Variants in FAM81A observed in about 807,000 individuals in gnomAD.
FAM81A encodes protein FAM81A.
Under a neutral mutation model 46.7 loss-of-function variants are expected in FAM81A, and 19 were observed. That is an observed-to-expected ratio of 0.41 (90% CI 0.28 to 0.60). FAM81A has a LOEUF of 0.60. FAM81A is among the 20% of genes least tolerant of loss of function. The probability of loss-of-function intolerance (pLI) is 0.34; values close to 1 mark genes in which losing one functional copy is unlikely to be tolerated. For synonymous variants in FAM81A, 183 were observed against 152.9 expected (o/e 1.20, Z -1.45); for missense variants, 377 against 453.5 (o/e 0.83, Z 1.53).
intron 2 of FAM81A, among the ~76,000 whole-genome samples, chr15:59,404,086 T>C (rs2081083953): frequency 6.6e-6 from 1 of 152,070 alleles, no homozygotes; most frequent in Non-Finnish European, 1.5e-5. Context: ...TTTCACCATG[T>C]TGGCCAGGAT....
chr15:59,479,519 G>GAAAAAAAAA (rs57107735), intron 3 of FAM81A, among the ~76,000 whole-genome samples: 39 of 72,654 alleles, frequency 5.4e-4, no homozygotes, highest in Admixed American at 1.2e-3. Context: ...TCAAAAATAA[G>GAAAAAAAAA]AAAAAAAAAA....
chr15:59,508,904 G>A lies in FAM81A; in HGVS notation c.585G>A (p.Glu195=). The A allele has an allele frequency of 6.2e-7, 1 of 1,613,406 alleles. No homozygotes were observed. The highest frequency in any genetic ancestry group is 8.5e-7 in the Non-Finnish European group (1 of 1,179,536). ...LLNRVDLSIS[E]QSTKLKMSHR... ...ACAGAGTGGACTTGTCAATATCAGA[G>A]CAGAGCACCAAACTGAAGATGTCTC... The change falls in exon 6 of 9, where the codon GAG becomes GAA. Residue 195 remains glutamate (E), a synonymous_variant. Transcript: ENST00000288228.
chr15:59,415,345 C>G (rs1465194989), intron 2 of FAM81A, among the ~76,000 whole-genome samples: 1 of 152,054 alleles, frequency 6.6e-6, no homozygotes, highest in Non-Finnish European at 1.5e-5. Flanking sequence ...GTCTTGAACT[C>G]CTGACCTCGT....
rs1293304332 is a variant in FAM81A, at chr15:59,522,329, G to T, written c.*951G>T. 1 of 152,580 alleles carries T rather than the reference G, an allele frequency of 6.6e-6. No individual in the cohort carries two copies. The highest frequency in any genetic ancestry group is 1.5e-5 in the Non-Finnish European group (1 of 68,020). The allele number at this position is 152,580 out of a possible 1,614,324, so 9.5% of individuals were successfully genotyped here. ...ATGCACTGTACTCTGTAAAAGTTTT[G>T]CAGACAAAATAGAAAGTATGATAAT... On this transcript the variant is annotated 3_prime_UTR_variant, in exon 9 of 9. Transcript: ENST00000288228.
chr15:59,499,109 G>A (rs550646172), intron 4 of FAM81A, among the ~76,000 whole-genome samples: 35 of 152,252 alleles, frequency 2.3e-4, no homozygotes, highest in Middle Eastern at 3.4e-3. Context: ...TGAGATGATC[G>A]TGTGGGGTTT....
At position 59,429,931 on chromosome 15, in the gene FAM81A, A is replaced by C. The variant is rs547200788; in HGVS notation, c.-78+27573A>C. Among the ~76,000 whole-genome samples, 3 of 152,344 alleles carry C rather than the reference A, an allele frequency of 2.0e-5. No individual in the cohort carries two copies. The South Asian group carries it at 6.2e-4, about 32-fold the overall frequency. On this transcript the variant is annotated intron_variant, in intron 2 of 4. Transcript: ENST00000558348. ...GGGCAGGCAGGTGGCGAAGAGTCTT[A>C]GAGGGTTGAGTCCAGGCCAGGTAGT...
chr15:59,418,773 T>C (rs1170319126), intron 2 of FAM81A, among the ~76,000 whole-genome samples: 8 of 151,018 alleles, frequency 5.3e-5, no homozygotes, highest in Admixed American at 4.6e-4. Flanking sequence ...TGAAGATGGA[T>C]AGCTTATTTA....
intron 1 of FAM81A, among the ~76,000 whole-genome samples, chr15:59,457,908 T>G (rs1475822742): frequency 6.6e-6 from 1 of 152,206 alleles, no homozygotes; most frequent in African/African-American, 2.4e-5. Context: ...TCTAGTGTTT[T>G]TCACATTTCT....
intron 3 of FAM81A, among the ~76,000 whole-genome samples, chr15:59,478,813 A>T (rs117319323): frequency 1.5e-3 from 224 of 152,350 alleles, no homozygotes; most frequent in Non-Finnish European, 2.6e-3. Context: ...CTCTGTCTCC[A>T]GTACATTTTA....
At chr15:59,468,001 T>C (rs1228506244) in intron 3 of FAM81A, among the ~76,000 whole-genome samples, 1 of 152,210 alleles carries the variant, frequency 6.6e-6, no homozygotes, top group Non-Finnish European at 1.5e-5. Context: ...GTTTGTGTGA[T>C]GGATTATGAT....
chr15:59,521,742 T>A lies in FAM81A; in HGVS notation c.*364T>A, dbSNP rs536293318. ...TTTTGAAAAATGTCATGGGGATTTTTTTTTAATTAAGAAACTAATGAATCA... is the reference window on the plus strand; with the variant it reads ...TTTTGAAAAATGTCATGGGGATTTTATTTTAATTAAGAAACTAATGAATCA... On this transcript the variant is annotated 3_prime_UTR_variant, in exon 9 of 9. Transcript: ENST00000288228. 6.2e-6 allele frequency: 1 copy of A among 160,328 alleles called. No individual in the cohort carries two copies. The highest frequency in any genetic ancestry group is 1.8e-4 in the East Asian group (1 of 5,538). 9.9% of individuals were successfully genotyped at this position (160,328 alleles called of 1,614,324 possible).
At chr15:59,485,977 G>A (rs1044848455) in intron 3 of FAM81A, among the ~76,000 whole-genome samples, 2 of 152,162 alleles carry the variant, frequency 1.3e-5, no homozygotes, top group Non-Finnish European at 2.9e-5. Context: ...TCAGAAGTTC[G>A]AGACCAGCCT....
At chr15:59,494,859 AT>A (rs2082017553) in intron 4 of FAM81A, among the ~76,000 whole-genome samples, 2 of 152,120 alleles carry the variant, frequency 1.3e-5, no homozygotes, top group African/African-American at 4.8e-5. Context: ...TTAGTAGCAA[AT>A]GGGCCTTGAT....
rs72749162 is a variant in FAM81A at position 59,465,144 on chromosome 15, G to A, written c.294+4938G>A. On this transcript the variant is annotated intron_variant, in intron 3 of 8. Coordinates refer to ENST00000288228, the MANE Select transcript of FAM81A (RefSeq NM_152450.3). ...CTGTAGATACGTGGATTAATTTCTA[G>A]GTTCTCTTTTCTGTTCCATTGTTCT... Among the ~76,000 whole-genome samples the A allele has an allele frequency of 7.3e-3, 1,113 of 152,192 alleles. 9 individuals are homozygous for A. Among genetic ancestry groups the A allele is most frequent in the Admixed American group, 9.4e-3 (143 of 15,288 alleles).
At chr15:59,426,289 T>TAA (rs398070677) in intron 2 of FAM81A, among the ~76,000 whole-genome samples, 7 of 149,258 alleles carry the variant, frequency 4.7e-5, no homozygotes, top group Admixed American at 1.3e-4. Flanking sequence ...AACTCTGGAT[T>TAA]AAAAAAAAAA....
At chr15:59,512,812 G>A (rs2082226794) in intron 6 of FAM81A, among the ~76,000 whole-genome samples, 1 of 152,190 alleles carries the variant, frequency 6.6e-6, no homozygotes, top group African/African-American at 2.4e-5. Flanking sequence ...CAGTCACCTG[G>A]GACAGGGAGA....
chr15:59,422,039 AT>A (rs1487217440), intron 2 of FAM81A, among the ~76,000 whole-genome samples: 3 of 151,842 alleles, frequency 2.0e-5, no homozygotes, highest in African/African-American at 4.8e-5. Context: ...TGTTCATTGT[AT>A]TTTTTTTAAT....
At chr15:59,413,602 G>T (rs540434266) in intron 2 of FAM81A, among the ~76,000 whole-genome samples, 1 of 152,238 alleles carries the variant, frequency 6.6e-6, no homozygotes, top group East Asian at 1.9e-4. Flanking sequence ...GCCATTATCT[G>T]CTGTTCCTTA....
intron 5 of FAM81A, 145 bp downstream of exon 5, chr15:59,507,487 C>A: frequency 1.7e-6 from 2 of 1,204,460 alleles, no homozygotes; most frequent in Non-Finnish European, 2.3e-6. Flanking sequence ...TTCTTTGATT[C>A]TTCCTTTCCT....
Sources: allele counts gnomAD v4.1 joint callset (sites outside exome capture counted in the v4.1 genomes callset), GRCh38; gene constraint gnomAD v4.1.1; transcripts MANE v1.5; gene names NCBI Gene and HGNC (gene_info 2026-07-23, HGNC 2026-07-21).